Variants in NALF1 observed in about 807,000 individuals in gnomAD.
The protein encoded by NALF1 is family with sequence similarity 155 member A.
A neutral mutation model predicts 48.4 loss-of-function variants in NALF1; 3 were observed. The ratio of observed to expected loss-of-function variants is 0.06; its 90% CI spans 0.03 to 0.16. The LOEUF is 0.16. Ranked by LOEUF, NALF1 falls within the 10% of genes least tolerant of loss-of-function variation. NALF1 has a pLI of 1.00. For missense variants in NALF1, 526 were observed against 571.5 expected, an observed-to-expected ratio of 0.92 and a Z score of 0.81; for synonymous variants, 262 against 245.7, an observed-to-expected ratio of 1.07 and a Z score of -0.62.
intron 1 of NALF1, among the ~76,000 whole-genome samples, chr13:107,484,667 G>A (rs1013471322): frequency 6.6e-6 from 1 of 152,034 alleles, no homozygotes; most frequent in Non-Finnish European, 1.5e-5. Flanking sequence ...CAGTACACTT[G>A]GCATTATGCA....
At chr13:107,555,439 ATTTTTTTTTTTTTT>A (rs34486058) in intron 1 of NALF1, among the ~76,000 whole-genome samples, 2 of 69,958 alleles carry the variant, frequency 2.9e-5, no homozygotes, top group African/African-American at 5.5e-5. Context: ...AGCCTGGCTA[ATTTTTTTTTTTTTT>A]TTTTTTTTTT....
intron 1 of NALF1, among the ~76,000 whole-genome samples, chr13:107,719,699 G>C (rs1875928088): frequency 6.6e-6 from 1 of 151,904 alleles, no homozygotes; most frequent in South Asian, 2.1e-4. Context: ...TGCTACCTTG[G>C]GATCCAGGCT....
In NALF1 at chr13:107,169,119, A is replaced by G. The variant is rs754004720; in HGVS notation, c.*1378T>C. ...CAGGTGAAATGTTCCCACAAAGAAAATAAAATACAAACAGTGATCAGACCT... is the reference window on the plus strand; with the variant it reads ...CAGGTGAAATGTTCCCACAAAGAAAGTAAAATACAAACAGTGATCAGACCT... On this transcript the variant is annotated 3_prime_UTR_variant, in exon 3 of 3. Transcript: ENST00000375915. 6.6e-6 allele frequency: 1 copy of G among 152,586 alleles called. No individual in the cohort carries two copies. The highest frequency in any genetic ancestry group is 1.5e-5 in the Non-Finnish European group (1 of 68,042). The allele number at this position is 152,586 out of a possible 1,614,324, so 9.5% of individuals were successfully genotyped here. A position where few individuals can be genotyped will look rare whatever the true frequency, so the allele number is the denominator to read the frequency against.
chr13:107,738,894 C>A (rs1876546139), intron 1 of NALF1, among the ~76,000 whole-genome samples: 1 of 152,060 alleles, frequency 6.6e-6, no homozygotes, highest in South Asian at 2.1e-4. Context: ...AAACTCCCGA[C>A]CTCGTGATCC....
At chr13:107,785,104 G>GAATA (rs1276902370) in intron 1 of NALF1, among the ~76,000 whole-genome samples, 16 of 151,436 alleles carry the variant, frequency 1.1e-4, no homozygotes, top group Non-Finnish European at 7.4e-5. Flanking sequence ...ACATATATAT[G>GAATA]TATGTATATG....
At chr13:107,603,083 C>G (rs1303332307) in intron 1 of NALF1, among the ~76,000 whole-genome samples, 1 of 152,058 alleles carries the variant, frequency 6.6e-6, no homozygotes, top group Non-Finnish European at 1.5e-5. Flanking sequence ...TTATGAAAAT[C>G]TTACTGCTTA....
At chr13:107,171,427 G>C (rs1378446666) in intron 2 of NALF1, among the ~76,000 whole-genome samples, 1 of 152,068 alleles carries the variant, frequency 6.6e-6, no homozygotes, top group African/African-American at 2.4e-5. Context: ...ATCTTTTGCT[G>C]GGACCATCAC....
Position 107,402,182 on chromosome 13 carries a change from A to T in NALF1, c.916-191427T>A, listed in dbSNP as rs546294247. Among the ~76,000 whole-genome samples, 18 of 152,134 alleles carry T rather than the reference A, an allele frequency of 1.2e-4. No homozygotes were observed. The South Asian group carries it at 3.5e-3, about 30-fold the overall frequency. Reference sequence around the variant, plus strand: ...ATAGTGACTTCAGTCTTGCCAGCAGACTCTCTCCTTTGCTGGCTTCGATAA... The same window carrying T: ...ATAGTGACTTCAGTCTTGCCAGCAGTCTCTCTCCTTTGCTGGCTTCGATAA... On this transcript the variant is annotated intron_variant, in intron 1 of 2. Transcript: ENST00000375915.
At chr13:107,474,823 G>A (rs1885154236) in intron 1 of NALF1, among the ~76,000 whole-genome samples, 1 of 152,090 alleles carries the variant, frequency 6.6e-6, no homozygotes, top group Admixed American at 6.6e-5. Flanking sequence ...GTCTGTGCCT[G>A]GGTTCTTTTG....
chr13:107,271,690 C>G (rs1881168942), intron 1 of NALF1, among the ~76,000 whole-genome samples: 2 of 149,512 alleles, frequency 1.3e-5, no homozygotes, highest in Admixed American at 6.7e-5. Context: ...TGGTCTAATA[C>G]AAATAAGGTA....
chr13:107,678,879 T>A (rs1207880721), intron 1 of NALF1, among the ~76,000 whole-genome samples: 8 of 152,118 alleles, frequency 5.3e-5, no homozygotes, highest in Admixed American at 3.3e-4. Flanking sequence ...CACGTGGGGA[T>A]TATGGGGATA....
Position 107,204,285 on chromosome 13 carries a change from G to A in NALF1, c.1087+6299C>T, listed in dbSNP as rs76984000. ...AAACCTCATTCTCCTCTGCAGCTGC[G>A]CCTGCCGCTCCGCAAGCACCACCAG... is the stretch of plus-strand genomic sequence containing the variant. On this transcript the variant is annotated intron_variant, in intron 2 of 2. Transcript: ENST00000375915. 3.8e-3 allele frequency among the ~76,000 whole-genome samples: 582 copies of A among 152,282 alleles called. 4 individuals are homozygous for A. Among genetic ancestry groups the A allele is most frequent in the African/African-American group, 0.013 (520 of 41,558 alleles).
chr13:107,175,093 G>A (rs1218464663), intron 2 of NALF1, among the ~76,000 whole-genome samples: 5 of 132,560 alleles, frequency 3.8e-5, no homozygotes, highest in African/African-American at 1.5e-4. Context: ...GTTTCATCGT[G>A]TTAGCCAGGA....
chr13:107,690,260 C>T (rs1391903908), intron 1 of NALF1, among the ~76,000 whole-genome samples: 4 of 152,026 alleles, frequency 2.6e-5, no homozygotes, highest in Non-Finnish European at 4.4e-5. Context: ...TTAATGCACT[C>T]GAAGCTTCAA....
intron 1 of NALF1, among the ~76,000 whole-genome samples, chr13:107,764,397 CAT>C (rs1172399557): frequency 3.3e-5 from 5 of 151,998 alleles, no homozygotes; most frequent in Admixed American, 6.6e-5. Flanking sequence ...TATATGTGTG[CAT>C]ATATGTGTGT....
chr13:107,565,586 G>GAAT (rs1877789318), intron 1 of NALF1, among the ~76,000 whole-genome samples: 1 of 152,068 alleles, frequency 6.6e-6, no homozygotes, highest in Non-Finnish European at 1.5e-5. Flanking sequence ...CTCTTTTCTA[G>GAAT]GCCTGATCTG....
intron 1 of NALF1, among the ~76,000 whole-genome samples, chr13:107,395,344 G>A (rs1274256810): frequency 6.6e-6 from 1 of 152,106 alleles, no homozygotes; most frequent in East Asian, 1.9e-4. Flanking sequence ...GAAAAGCCAA[G>A]ATCTTCCCAA....
At chr13:107,345,875 T>G (rs1267688133) in intron 1 of NALF1, among the ~76,000 whole-genome samples, 1 of 152,040 alleles carries the variant, frequency 6.6e-6, no homozygotes, top group Non-Finnish European at 1.5e-5. Flanking sequence ...TATCCAGAAC[T>G]TACAAAAAGA....
chr13:107,416,177 T>TTG lies in NALF1; in HGVS notation c.916-205423_916-205422insCA, dbSNP rs1276245131. On this transcript the variant is annotated intron_variant, in intron 1 of 2. Coordinates refer to ENST00000375915, the MANE Select transcript of NALF1 (RefSeq NM_001080396.3). ...ACCCACCACCATGCCCGGCTAAATT[T>TTG]TTTTTTTTTTTGTATTTTTAGTAGA... Among the ~76,000 whole-genome samples, 182 of 149,420 alleles carry TTG rather than the reference T, an allele frequency of 1.2e-3. 1 individual carries two copies. Among genetic ancestry groups the TTG allele is most frequent in the African/African-American group, 4.4e-3 (173 of 39,734 alleles).
Sources: allele counts gnomAD v4.1 joint callset (sites outside exome capture counted in the v4.1 genomes callset), GRCh38; gene constraint gnomAD v4.1.1; transcripts MANE v1.5; gene names NCBI Gene and HGNC (gene_info 2026-07-23, HGNC 2026-07-21).